EYA4: variants seen among roughly 807,000 people sequenced by gnomAD.
EYA4 encodes protein phosphatase EYA4.
Under a neutral mutation model 87.9 loss-of-function variants are expected in EYA4, and 31 were observed. The observed-to-expected ratio is 0.35, with a 90% CI of 0.27 to 0.48. The LOEUF is 0.48. Among genes scored for constraint, EYA4 ranks in the 20% least tolerant of loss-of-function variants. The pLI is 0.99. For synonymous variants in EYA4, 263 were observed against 270.6 expected, an observed-to-expected ratio of 0.97 and a Z score of 0.28; for missense variants, 678 against 761.4, an observed-to-expected ratio of 0.89 and a Z score of 1.29.
At chr6:133,463,962 ATTT>A (rs112371864) in intron 9 of EYA4, among the ~76,000 whole-genome samples, 1 of 146,320 alleles carries the variant, frequency 6.8e-6, no homozygotes. Context: ...GACAGACAGT[ATTT>A]TTTTTTTTTT....
intron 8 of EYA4, 45 bp downstream of exon 8, chr6:133,462,522 T>C: frequency 6.2e-7 from 1 of 1,613,028 alleles, no homozygotes; most frequent in South Asian, 1.1e-5. Context: ...AGGCAGGTAA[T>C]CCTGCTGGCT....
chr6:133,425,117 C>T (rs1410561146), intron 3 of EYA4, among the ~76,000 whole-genome samples: 3 of 150,756 alleles, frequency 2.0e-5, no homozygotes, highest in Non-Finnish European at 2.9e-5. Flanking sequence ...TATTAATGGA[C>T]ATTTGTGTTA....
At position 133,481,501 on chromosome 6, in the gene EYA4, A is replaced by G; in HGVS notation, c.1009A>G (p.Lys337Glu). ...CATGCAGAGTCCCTCCACACCCATC[A>G]AAGATCTTGATGAGAGAACCTGTAG... The part of the protein sequence containing the change: ...DTMQSPSTPI[K>E]DLDERTCRSS... Residue 337 changes from lysine (K) to glutamate (E), a missense_variant, in exon 12 of 20, where the codon AAA becomes GAA. Coordinates refer to ENST00000355286, the MANE Select transcript of EYA4 (RefSeq NM_004100.5). The G allele has an allele frequency of 6.2e-7, 1 of 1,613,928 alleles. No homozygotes were observed. Among genetic ancestry groups the G allele is most frequent in the Non-Finnish European group, 8.5e-7 (1 of 1,179,842 alleles).
chr6:133,509,535 C>T (rs1316086516), intron 14 of EYA4, among the ~76,000 whole-genome samples: 1 of 152,188 alleles, frequency 6.6e-6, no homozygotes, highest in African/African-American at 2.4e-5. Context: ...ATAGACACTT[C>T]ACTGCATCCT....
intron 2 of EYA4, among the ~76,000 whole-genome samples, chr6:133,377,981 C>T (rs1785848782): frequency 6.6e-6 from 1 of 151,878 alleles, no homozygotes; most frequent in African/African-American, 2.4e-5. Flanking sequence ...TGTTCACACA[C>T]ACACACACAC....
At chr6:133,504,176 C>G (rs1798385465) in intron 13 of EYA4, among the ~76,000 whole-genome samples, 1 of 152,178 alleles carries the variant, frequency 6.6e-6, no homozygotes, top group Admixed American at 6.5e-5. Flanking sequence ...CCTCAGCCTC[C>G]CAAAGTGCTG....
chr6:133,441,106 T>G (rs553070710), intron 3 of EYA4, among the ~76,000 whole-genome samples: 1 of 152,276 alleles, frequency 6.6e-6, no homozygotes, highest in East Asian at 1.9e-4. Context: ...TGTATCATTC[T>G]CTTTCTCCTG....
At chr6:133,449,578 G>A (rs530816614) in intron 5 of EYA4, among the ~76,000 whole-genome samples, 28 of 152,270 alleles carry the variant, frequency 1.8e-4, no homozygotes, top group African/African-American at 6.3e-4. Flanking sequence ...GGAGTTGTGC[G>A]TCAGGGCCAC....
At position 133,381,348 on chromosome 6, in the gene EYA4, G is replaced by A. The variant is rs567295880; in HGVS notation, c.34-1044G>A. Among the ~76,000 whole-genome samples the A allele has an allele frequency of 3.3e-4, 50 of 152,064 alleles. 2 individuals are homozygous for A. The South Asian group carries it at 0.01, about 31-fold the overall frequency. The stretch of plus-strand genomic sequence containing the variant: ...GGGTTTTTGTGAGTTTGTTTGTTAA[G>A]GATTTTTCTGAAACAGAGGAGGAAA... On this transcript the variant is annotated intron_variant, in intron 2 of 19. Transcript: ENST00000355286.
intron 3 of EYA4, among the ~76,000 whole-genome samples, chr6:133,388,202 T>A (rs9493616): frequency 7.9e-5 from 12 of 151,538 alleles, no homozygotes; most frequent in African/African-American, 2.7e-4. Context: ...AGGTTGGGAG[T>A]TCGAGACCAG....
chr6:133,452,114 T>C (rs1793507444), intron 5 of EYA4, among the ~76,000 whole-genome samples: 1 of 152,156 alleles, frequency 6.6e-6, no homozygotes, highest in Non-Finnish European at 1.5e-5. Context: ...TACTGATTAT[T>C]AAAACCAGTA....
At chr6:133,462,087 A>G in intron 7 of EYA4, 1 of 510,496 alleles carries the variant, frequency 2.0e-6, no homozygotes, top group Non-Finnish European at 3.5e-6. Flanking sequence ...ATCTAAATCA[A>G]ATTTCTACTT....
chr6:133,461,695 T>A (rs1288157381), intron 7 of EYA4, among the ~76,000 whole-genome samples: 2 of 152,054 alleles, frequency 1.3e-5, no homozygotes, highest in Non-Finnish European at 2.9e-5. Flanking sequence ...TTAAATATAG[T>A]ATGTTATTTT....
At chr6:133,245,437 A>G (rs1774327849) in intron 1 of EYA4, among the ~76,000 whole-genome samples, 1 of 152,150 alleles carries the variant, frequency 6.6e-6, no homozygotes, top group Admixed American at 6.5e-5. Flanking sequence ...TAAATGCTAA[A>G]CTCTTATAAC....
chr6:133,430,910 G>T (rs865962197), intron 3 of EYA4, among the ~76,000 whole-genome samples: 8 of 152,188 alleles, frequency 5.3e-5, no homozygotes, highest in African/African-American at 1.9e-4. Flanking sequence ...GAGATAATGG[G>T]ATAGTAGGCA....
At chr6:133,251,424 A>G (rs1774892765) in intron 1 of EYA4, among the ~76,000 whole-genome samples, 1 of 151,932 alleles carries the variant, frequency 6.6e-6, no homozygotes, top group Non-Finnish European at 1.5e-5. Context: ...TACAGAATTT[A>G]TCACTTGGAT....
At chr6:133,319,352 T>C (rs1780871737) in intron 2 of EYA4, among the ~76,000 whole-genome samples, 1 of 152,222 alleles carries the variant, frequency 6.6e-6, no homozygotes, top group Non-Finnish European at 1.5e-5. Context: ...GCCAGGAAAC[T>C]AGATGAGTAA....
chr6:133,506,119 C>T lies in EYA4; in HGVS notation c.1205C>T (p.Ala402Val). 1.2e-6 allele frequency: 2 copies of T among 1,604,400 alleles called. No homozygotes were observed. Among genetic ancestry groups the T allele is most frequent in the Non-Finnish European group, 1.7e-6 (2 of 1,171,184 alleles). ...TTTTCTTTACAGGATCCCCCCATGG[C>T]TGTAACCCTTGGACTCCGCATGGAA... ...AQKYGKDPPM[A>V]VTLGLRMEEM... The change falls in exon 14 of 20, where the codon GCT becomes GTT. Residue 402 changes from alanine (A) to valine (V), a missense_variant. Transcript: ENST00000355286.
At chr6:133,469,605 G>GT (rs1218982717) in intron 11 of EYA4, among the ~76,000 whole-genome samples, 3 of 151,948 alleles carry the variant, frequency 2.0e-5, no homozygotes, top group African/African-American at 7.2e-5. Flanking sequence ...AGAATGAATA[G>GT]TTTTTTTCAA....
Sources: allele counts gnomAD v4.1 joint callset (sites outside exome capture counted in the v4.1 genomes callset), GRCh38; gene constraint gnomAD v4.1.1; transcripts MANE v1.5; gene names NCBI Gene and HGNC (gene_info 2026-07-23, HGNC 2026-07-21).